JAM3: variants seen among roughly 807,000 people sequenced by gnomAD.
The protein encoded by JAM3 is junctional adhesion molecule C.
A neutral mutation model predicts 39.4 loss-of-function variants in JAM3; 31 were observed. The ratio of observed to expected loss-of-function variants is 0.79; its 90% CI spans 0.59 to 1.06. The LOEUF is 1.06. JAM3 is among the 50% of genes least tolerant of loss of function. JAM3 has a pLI of 0.00. For missense variants in JAM3, 455 were observed against 391.4 expected, an observed-to-expected ratio of 1.16 and a Z score of -1.37; for synonymous variants, 182 against 148.7, an observed-to-expected ratio of 1.22 and a Z score of -1.63.
chr11:134,107,995 A>C (rs1264790062), intron 1 of JAM3, among the ~76,000 whole-genome samples: 1 of 152,252 alleles, frequency 6.6e-6, no homozygotes, highest in Admixed American at 6.5e-5. Flanking sequence ...AACAACAGAA[A>C]AAAACCAGTA....
chr11:134,076,004 C>T (rs192352608), intron 1 of JAM3, among the ~76,000 whole-genome samples: 187 of 151,096 alleles, frequency 1.2e-3, no homozygotes, highest in African/African-American at 4.5e-3. Context: ...CTGCTTCCAG[C>T]TGTATCTAAC....
chr11:134,105,636 TAAG>T (rs1942169266), intron 1 of JAM3, among the ~76,000 whole-genome samples: 1 of 152,206 alleles, frequency 6.6e-6, no homozygotes. Flanking sequence ...CTTAAGCTAA[TAAG>T]CAACTTCAGC....
intron 6 of JAM3, 199 bp from the exon 7 acceptor site, chr11:134,148,348 G>C: frequency 3.2e-6 from 2 of 628,378 alleles, no homozygotes; most frequent in East Asian, 2.8e-5. Flanking sequence ...TACTTTTCAC[G>C]TGTGAAGTTA....
intron 1 of JAM3, among the ~76,000 whole-genome samples, chr11:134,117,964 T>C (rs1271873603): frequency 6.6e-6 from 1 of 152,154 alleles, no homozygotes; most frequent in Non-Finnish European, 1.5e-5. Context: ...TAACTTTGAA[T>C]TATTTTTTTG....
intron 6 of JAM3, among the ~76,000 whole-genome samples, chr11:134,147,246 G>C (rs1281413441): frequency 6.6e-6 from 1 of 151,816 alleles, no homozygotes; most frequent in Non-Finnish European, 1.5e-5. Flanking sequence ...CTGAGGTCAG[G>C]AGTTCAAGAC....
intron 1 of JAM3, 129 bp downstream of exon 1, chr11:134,069,288 G>A (rs1051111349): frequency 5.2e-5 from 66 of 1,276,470 alleles, no homozygotes; most frequent in Non-Finnish European, 6.8e-5. Context: ...CGGGGTCCCG[G>A]GCCGGAGGGG....
chr11:134,114,238 C>G (rs1379860524), intron 1 of JAM3, among the ~76,000 whole-genome samples: 1 of 152,160 alleles, frequency 6.6e-6, no homozygotes, highest in Non-Finnish European at 1.5e-5. Flanking sequence ...GTTGCTATTG[C>G]TTTTGATGTT....
At chr11:134,110,993 G>C (rs767318740) in intron 1 of JAM3, among the ~76,000 whole-genome samples, 1 of 151,874 alleles carries the variant, frequency 6.6e-6, no homozygotes, top group South Asian at 2.1e-4. Flanking sequence ...AGATATGGAG[G>C]TATTCTCTCT....
intron 1 of JAM3, among the ~76,000 whole-genome samples, chr11:134,083,690 A>G (rs1941703065): frequency 6.6e-6 from 1 of 152,158 alleles, no homozygotes; most frequent in African/African-American, 2.4e-5. Flanking sequence ...ACCTCTTCTA[A>G]TGAAACCTTG....
At chr11:134,072,370 T>A (rs1263855996) in intron 1 of JAM3, among the ~76,000 whole-genome samples, 1 of 96,892 alleles carries the variant, frequency 1.0e-5, no homozygotes, top group African/African-American at 4.0e-5. Flanking sequence ...CTCAGCTCAC[T>A]GCAAAACTCA....
intron 1 of JAM3, among the ~76,000 whole-genome samples, chr11:134,139,169 A>G (rs1942927595): frequency 6.6e-6 from 1 of 152,244 alleles, no homozygotes; most frequent in South Asian, 2.1e-4. Context: ...TGTTTGCCCA[A>G]ACCCATAAGG....
chr11:134,149,561 C>G lies in JAM3; in HGVS notation c.*380C>G. The G allele has an allele frequency of 2.1e-6, 1 of 483,456 alleles. No homozygotes were observed. The highest frequency in any genetic ancestry group is 4.1e-6 in the Non-Finnish European group (1 of 245,426). 29.9% of individuals were successfully genotyped at this position (483,456 alleles called of 1,614,324 possible). A position where few individuals can be genotyped will look rare whatever the true frequency, so the allele number is the denominator to read the frequency against. ...ACCACTGGTCGTTCAGCAGCCACGA[C>G]AGCACCATGTGAGATGGCGAGGTGG... On this transcript the variant is annotated 3_prime_UTR_variant, in exon 9 of 9. Coordinates refer to ENST00000299106, the MANE Select transcript of JAM3 (RefSeq NM_032801.5).
intron 1 of JAM3, among the ~76,000 whole-genome samples, chr11:134,092,518 C>T (rs1352073137): frequency 2.0e-5 from 3 of 146,574 alleles, no homozygotes; most frequent in Non-Finnish European, 4.5e-5. Context: ...CTCCTGAGCC[C>T]TCTTTATTCA....
intron 1 of JAM3, among the ~76,000 whole-genome samples, chr11:134,092,731 G>C (rs1388043915): frequency 2.2e-5 from 3 of 135,608 alleles, no homozygotes; most frequent in African/African-American, 8.6e-5. Context: ...CACTTCCTGA[G>C]GGAAGCGTCT....
chr11:134,136,199 C>T (rs902871901), intron 1 of JAM3, among the ~76,000 whole-genome samples: 2 of 152,178 alleles, frequency 1.3e-5, no homozygotes, highest in South Asian at 2.1e-4. Context: ...CTTTTTCCGC[C>T]TTCCAAAAAA....
chr11:134,144,709 C>G (rs1053499522), intron 4 of JAM3, 83 bp from the exon 5 acceptor site: 1 of 1,289,560 alleles, frequency 7.8e-7, no homozygotes, highest in African/African-American at 1.5e-5. Flanking sequence ...GCTGTCTTGT[C>G]TTTGGAGCTG....
chr11:134,148,166 G>A (rs1943113436), intron 6 of JAM3: 1 of 263,700 alleles, frequency 3.8e-6, no homozygotes, highest in Admixed American at 5.1e-5. Flanking sequence ...GGGAGGCCCT[G>A]GAAATTAGGG....
At position 134,150,252 on chromosome 11, in the gene JAM3, T is replaced by G. The variant is rs1943175653; in HGVS notation, c.*1071T>G. ...AAATTCCAGTTAAGCAATGTTGAAA[T>G]CAGTTTGCATCTCTTCAAAAGAAAC... On this transcript the variant is annotated 3_prime_UTR_variant, in exon 9 of 9. Coordinates refer to ENST00000299106, the MANE Select transcript of JAM3 (RefSeq NM_032801.5). The G allele has an allele frequency of 6.6e-6, 1 of 152,364 alleles. No homozygotes were observed. The highest frequency in any genetic ancestry group is 2.1e-4 in the South Asian group (1 of 4,840). 9.4% of individuals were successfully genotyped at this position (152,364 alleles called of 1,614,324 possible).
At chr11:134,124,320 C>A in intron 1 of JAM3, 1 of 793,318 alleles carries the variant, frequency 1.3e-6, no homozygotes. Context: ...AGGGGCTGGA[C>A]GGTTCATTAT....
Sources: gnomAD v4.1 joint callset for allele counts (sites outside exome capture counted in the v4.1 genomes callset) on GRCh38, gnomAD v4.1.1 for gene constraint, MANE v1.5 for transcripts, NCBI Gene and HGNC (gene_info 2026-07-23, HGNC 2026-07-21) for gene names.